The following CC2D2A variants were observed in gnomAD, a reference collection of about 807,000 sequenced individuals.
CC2D2A encodes coiled-coil and C2 domain containing 2A, also known as coiled-coil and C2 domain-containing protein 2A.
CC2D2A carries 155 observed loss-of-function variants against 212.9 expected under a neutral mutation model. The observed-to-expected ratio is 0.73, with a 90% CI of 0.64 to 0.83. CC2D2A has a LOEUF of 0.83. Among genes scored for constraint, CC2D2A ranks in the 40% least tolerant of loss-of-function variants. CC2D2A has a pLI of 0.00. For synonymous variants in CC2D2A, 667 were observed against 686.5 expected (o/e 0.97, Z 0.44); for missense variants, 1,856 against 1,956.2 (o/e 0.95, Z 0.97).
At chr4:15,528,457 A>G (rs757351427) in intron 12 of CC2D2A, among the ~76,000 whole-genome samples, 163 bp from the exon 13 acceptor site, 1 of 152,256 alleles carries the variant, frequency 6.6e-6, no homozygotes. Context: ...GTTCTCCATC[A>G]TAATTCATTT....
At position 15,516,618 on chromosome 4, in the gene CC2D2A, T is replaced by G; in HGVS notation, c.1018-7T>G. Reference sequence around the variant, plus strand: ...AAATGTTGCCATTCCCTCTGCTTCATCTACAGGAAAGAAGATGGTTTGGAG... The same window carrying G: ...AAATGTTGCCATTCCCTCTGCTTCAGCTACAGGAAAGAAGATGGTTTGGAG... On this transcript the variant is annotated splice_region_variant and splice_polypyrimidine_tract_variant and intron_variant, in intron 10 of 36. Coordinates refer to ENST00000424120, the MANE Select transcript of CC2D2A (RefSeq NM_001378615.1). 1 of 1,610,152 alleles carries G rather than the reference T, an allele frequency of 6.2e-7. No homozygotes were observed. Among genetic ancestry groups the G allele is most frequent in the Non-Finnish European group, 8.5e-7 (1 of 1,178,084 alleles).
intron 30 of CC2D2A, among the ~76,000 whole-genome samples, chr4:15,584,545 C>T (rs925099036): frequency 6.6e-5 from 10 of 152,090 alleles, no homozygotes; most frequent in African/African-American, 2.2e-4. Context: ...AACTATGAAA[C>T]TATTAAAAGA....
intron 35 of CC2D2A, among the ~76,000 whole-genome samples, chr4:15,598,285 G>C (rs149268032): frequency 6.6e-6 from 1 of 152,220 alleles, no homozygotes; most frequent in African/African-American, 2.4e-5. Context: ...GATGTGCTAA[G>C]CACCAAAAAA....
intron 27 of CC2D2A, among the ~76,000 whole-genome samples, chr4:15,569,819 T>G (rs531123005): frequency 3.9e-5 from 6 of 152,212 alleles, no homozygotes; most frequent in Non-Finnish European, 7.3e-5. Flanking sequence ...TACCGGGATA[T>G]CAGGACACTC....
intron 28 of CC2D2A, among the ~76,000 whole-genome samples, chr4:15,571,113 G>T (rs574240901): frequency 5.9e-5 from 9 of 152,150 alleles, no homozygotes; most frequent in African/African-American, 1.2e-4. Context: ...TAAAGGTAAA[G>T]AATAAGGTGG....
At chr4:15,489,465 G>A (rs955283628) in intron 4 of CC2D2A, among the ~76,000 whole-genome samples, 3 of 152,006 alleles carry the variant, frequency 2.0e-5, no homozygotes, top group Non-Finnish European at 4.4e-5. Context: ...CACAGTACTG[G>A]GAAGACTAAA....
At chr4:15,498,121 G>A (rs1433163770) in intron 4 of CC2D2A, among the ~76,000 whole-genome samples, 1 of 152,152 alleles carries the variant, frequency 6.6e-6, no homozygotes, top group Non-Finnish European at 1.5e-5. Context: ...GAGAGAGAGT[G>A]CAGAGAAGAT....
intron 31 of CC2D2A, 107 bp from the exon 32 acceptor site, chr4:15,587,709 T>C: frequency 3.2e-6 from 2 of 617,106 alleles, no homozygotes; most frequent in Non-Finnish European, 5.7e-6. Flanking sequence ...ATTATAGGTC[T>C]TACACTTCAA....
intron 4 of CC2D2A, among the ~76,000 whole-genome samples, chr4:15,492,512 G>GT (rs1715362509): frequency 6.7e-6 from 1 of 149,080 alleles, no homozygotes; most frequent in Admixed American, 6.6e-5. Flanking sequence ...TTGTTTGTTT[G>GT]GTTTTTTTTT....
intron 22 of CC2D2A, among the ~76,000 whole-genome samples, chr4:15,560,225 T>C (rs1719505502): frequency 6.6e-6 from 1 of 152,216 alleles, no homozygotes; most frequent in South Asian, 2.1e-4. Flanking sequence ...ACTGGCCCTA[T>C]TTTTTGTAAT....
At chr4:15,560,299 A>G (rs942530120) in intron 22 of CC2D2A, among the ~76,000 whole-genome samples, 2 of 152,202 alleles carry the variant, frequency 1.3e-5, no homozygotes, top group Admixed American at 1.3e-4. Flanking sequence ...CAGGAACTCC[A>G]ATATTGCAGT....
In CC2D2A at chr4:15,502,741, A is replaced by G. The variant is rs1350554750; in HGVS notation, c.337-81A>G. On this transcript the variant is annotated intron_variant, in intron 5 of 36. Coordinates refer to ENST00000424120, the MANE Select transcript of CC2D2A (RefSeq NM_001378615.1). ...ATTTTCCTTGCTCTTCCCCTTAAAG[A>G]AGGATAGCATGTATTTTTTACTGAT... 3 of 1,243,296 alleles carry G rather than the reference A, an allele frequency of 2.4e-6. No individual in the cohort carries two copies. The Admixed American group carries it at 6.7e-5, about 28-fold the overall frequency. 77.0% of individuals were successfully genotyped at this position (1,243,296 alleles called of 1,614,324 possible). A position where few individuals can be genotyped will look rare whatever the true frequency, so the allele number is the denominator to read the frequency against.
chr4:15,514,097 T>C (rs955224428), intron 8 of CC2D2A, among the ~76,000 whole-genome samples: 8 of 152,260 alleles, frequency 5.3e-5, no homozygotes, highest in Admixed American at 3.9e-4. Context: ...TTTGTGATTA[T>C]AGCCTCTTTG....
At chr4:15,599,767 C>T in intron 36 of CC2D2A, 61 bp downstream of exon 36, 1 of 1,334,316 alleles carries the variant, frequency 7.5e-7, no homozygotes, top group South Asian at 1.7e-5. Context: ...TGGAAATTAG[C>T]CAATAATAGG....
chr4:15,597,546 G>T, intron 35 of CC2D2A, 81 bp downstream of exon 35: 1 of 1,091,806 alleles, frequency 9.2e-7, no homozygotes, highest in Non-Finnish European at 1.4e-6. Flanking sequence ...CAGCCTGGAT[G>T]AATGTGAAAC....
intron 6 of CC2D2A, among the ~76,000 whole-genome samples, chr4:15,509,868 AG>A (rs2109005933): frequency 6.6e-6 from 1 of 152,350 alleles, no homozygotes; most frequent in African/African-American, 2.4e-5. Flanking sequence ...CACAATGGTA[AG>A]TATTTTTTTA....
At chr4:15,584,776 G>C (rs559665385) in intron 30 of CC2D2A, among the ~76,000 whole-genome samples, 1 of 152,136 alleles carries the variant, frequency 6.6e-6, no homozygotes, top group African/African-American at 2.4e-5. Context: ...TCTAGAATAC[G>C]TAAGGAACTC....
At chr4:15,558,900 T>C (rs1190245283) in intron 21 of CC2D2A, among the ~76,000 whole-genome samples, 1 of 152,224 alleles carries the variant, frequency 6.6e-6, no homozygotes, top group East Asian at 1.9e-4. Flanking sequence ...AGAGCTTCTC[T>C]GTGGCCTCTA....
intron 20 of CC2D2A, among the ~76,000 whole-genome samples, chr4:15,556,210 G>A (rs755875392): frequency 2.0e-5 from 3 of 152,196 alleles, no homozygotes; most frequent in African/African-American, 7.2e-5. Flanking sequence ...AAACAAGTAG[G>A]TAATCCAGAG....
Sources: allele counts gnomAD v4.1 joint callset (sites outside exome capture counted in the v4.1 genomes callset), GRCh38; gene constraint gnomAD v4.1.1; transcripts MANE v1.5; gene names NCBI Gene and HGNC (gene_info 2026-07-23, HGNC 2026-07-21).